The following ANKRD17 variants were observed in gnomAD, a reference collection of about 807,000 sequenced individuals.
The protein encoded by ANKRD17 is ankyrin repeat domain 17.
A neutral mutation model predicts 229.7 loss-of-function variants in ANKRD17; 19 were observed. The observed-to-expected ratio is 0.08, with a 90% CI of 0.06 to 0.12. The LOEUF (loss-of-function observed/expected upper bound fraction) is 0.12. ANKRD17 is among the 10% of genes least tolerant of loss of function. The probability of loss-of-function intolerance (pLI) is 1.00; values close to 1 mark genes in which losing one functional copy is unlikely to be tolerated. For missense variants in ANKRD17, 2,176 were observed against 3,176.8 expected (o/e 0.68, Z 7.57); for synonymous variants, 1,112 against 1,146.1 (o/e 0.97, Z 0.60).
At chr4:73,230,240 A>G (rs1217047581) in intron 1 of ANKRD17, among the ~76,000 whole-genome samples, 2 of 152,158 alleles carry the variant, frequency 1.3e-5, no homozygotes, top group South Asian at 4.1e-4. Context: ...AAAATAATGC[A>G]ACATAGTATC....
intron 15 of ANKRD17, 38 bp downstream of exon 15, chr4:73,139,493 A>G: frequency 1.3e-6 from 2 of 1,556,192 alleles, no homozygotes; most frequent in Non-Finnish European, 1.7e-6. Context: ...CCTTAAGCAA[A>G]TCATATTTGA....
At chr4:73,144,397 T>C (rs1219114573) in intron 11 of ANKRD17, among the ~76,000 whole-genome samples, 1 of 152,204 alleles carries the variant, frequency 6.6e-6, no homozygotes, top group Non-Finnish European at 1.5e-5. Context: ...GCCACAAACT[T>C]TTTTAGTGGC....
intron 3 of ANKRD17, among the ~76,000 whole-genome samples, chr4:73,158,573 A>G (rs1365742551): frequency 1.3e-5 from 2 of 152,202 alleles, no homozygotes; most frequent in African/African-American, 4.8e-5. Flanking sequence ...AAAAAATGTA[A>G]TATGACCTCT....
At chr4:73,158,264 C>T (rs765380928) in intron 3 of ANKRD17, among the ~76,000 whole-genome samples, 1 of 152,200 alleles carries the variant, frequency 6.6e-6, no homozygotes, top group Non-Finnish European at 1.5e-5. Flanking sequence ...TAATCTCACT[C>T]ACAGTAAAAG....
At chr4:73,242,000 G>C (rs1447207362) in intron 1 of ANKRD17, among the ~76,000 whole-genome samples, 1 of 152,070 alleles carries the variant, frequency 6.6e-6, no homozygotes, top group Non-Finnish European at 1.5e-5. Context: ...AAGAAAAAGT[G>C]ATGTACCCTA....
intron 1 of ANKRD17, among the ~76,000 whole-genome samples, chr4:73,219,662 A>G (rs1399309075): frequency 6.6e-6 from 1 of 152,200 alleles, no homozygotes; most frequent in Non-Finnish European, 1.5e-5. Flanking sequence ...CTGTCCATAG[A>G]CAGAACCATA....
rs149546188 is a variant in ANKRD17, at chr4:73,151,316, A to G, written c.1329+114T>C. ...AAGTTAATGTTGTACAACTGATTCA[A>G]TAAGGTTCTGACAAACAGAATCATA... is the stretch of plus-strand genomic sequence containing the variant. On this transcript the variant is annotated intron_variant, in intron 7 of 33. Coordinates refer to ENST00000358602, the MANE Select transcript of ANKRD17 (RefSeq NM_032217.5). The G allele has an allele frequency of 5.1e-4, 452 of 884,954 alleles. 3 individuals carry two copies. In the African/African-American group the frequency reaches 6.8e-3, roughly 13 times the overall value. 54.8% of individuals were successfully genotyped at this position (884,954 alleles called of 1,614,324 possible).
Position 73,234,851 on chromosome 4 carries a change from C to T in ANKRD17, c.393+23425G>A, listed in dbSNP as rs368772397. 8.3e-4 allele frequency among the ~76,000 whole-genome samples: 126 copies of T among 152,256 alleles called. 3 individuals carry two copies. The South Asian group carries it at 0.025, about 30-fold the overall frequency. ...AGGGTAGGAGGGAAGCCCAACTGAC[C>T]TAGCACTGTGGAAAAGAAGTCTTAA... On this transcript the variant is annotated intron_variant, in intron 1 of 33. Coordinates refer to ENST00000358602, the MANE Select transcript of ANKRD17 (RefSeq NM_032217.5).
intron 1 of ANKRD17, among the ~76,000 whole-genome samples, chr4:73,200,293 A>G (rs528788275): frequency 2.0e-5 from 3 of 152,316 alleles, no homozygotes; most frequent in African/African-American, 7.2e-5. Flanking sequence ...GCTGCACACT[A>G]GAATTATCAA....
intron 1 of ANKRD17, among the ~76,000 whole-genome samples, chr4:73,204,938 A>G (rs1238220767): frequency 6.6e-6 from 1 of 152,174 alleles, no homozygotes; most frequent in Admixed American, 6.5e-5. Context: ...TTGTGAGTAA[A>G]AATACTCACA....
intron 1 of ANKRD17, among the ~76,000 whole-genome samples, chr4:73,185,905 A>G (rs1255387480): frequency 6.6e-6 from 1 of 152,030 alleles, no homozygotes; most frequent in Non-Finnish European, 1.5e-5. Context: ...GTGAATAGAA[A>G]AATTAAGAAA....
intron 1 of ANKRD17, among the ~76,000 whole-genome samples, chr4:73,222,142 G>GA (rs917707977): frequency 8.0e-5 from 12 of 150,788 alleles, no homozygotes; most frequent in African/African-American, 2.7e-4. Flanking sequence ...ATCTAATGAG[G>GA]AAAAAAAAGA....
chr4:73,085,926 G>C (rs780233147), intron 29 of ANKRD17, among the ~76,000 whole-genome samples: 50 of 152,208 alleles, frequency 3.3e-4, no homozygotes, highest in Non-Finnish European at 5.1e-4. Flanking sequence ...AGGAGGTTAA[G>C]GCTGCAATGA....
At chr4:73,186,156 T>G (rs957168059) in intron 1 of ANKRD17, among the ~76,000 whole-genome samples, 9 of 152,018 alleles carry the variant, frequency 5.9e-5, no homozygotes, top group African/African-American at 2.2e-4. Flanking sequence ...TTTGTCTGTA[T>G]TTTTTATAGT....
rs763345325 is a variant in ANKRD17 at position 73,189,403 on chromosome 4, G to GTTTTT, written c.394-11875_394-11871dup. Among the ~76,000 whole-genome samples the GTTTTT allele has an allele frequency of 8.1e-4, 91 of 112,662 alleles. 5 individuals are homozygous for GTTTTT. Among genetic ancestry groups the GTTTTT allele is most frequent in the African/African-American group, 2.2e-3 (64 of 28,446 alleles). The allele number at this position is 112,662 out of a possible 152,430, so 73.9% of individuals were successfully genotyped here. A position where few individuals can be genotyped will look rare whatever the true frequency, so the allele number is the denominator to read the frequency against. On this transcript the variant is annotated intron_variant, in intron 1 of 33. Transcript: ENST00000358602. ...ACGGTGATATTCCTCTGCCTGGAAT[G>GTTTTT]TTTTTTTTTTTTTTTTTTTTGAAAC...
intron 1 of ANKRD17, among the ~76,000 whole-genome samples, chr4:73,215,164 A>T (rs1447747779): frequency 1.3e-5 from 2 of 152,186 alleles, no homozygotes; most frequent in Non-Finnish European, 2.9e-5. Flanking sequence ...TAAAATTCAA[A>T]CTTCCAAGCA....
At chr4:73,095,331 T>C (rs1348728304) in intron 27 of ANKRD17, among the ~76,000 whole-genome samples, 1 of 152,068 alleles carries the variant, frequency 6.6e-6, no homozygotes, top group East Asian at 1.9e-4. Flanking sequence ...CCGGGCACGG[T>C]GGCTCACGCC....
chr4:73,086,590 T>C (rs1373591608), intron 29 of ANKRD17, among the ~76,000 whole-genome samples: 1 of 145,572 alleles, frequency 6.9e-6, no homozygotes, highest in Non-Finnish European at 1.5e-5. Flanking sequence ...TTGTCAACGA[T>C]TTTTTTTTTT....
At chr4:73,173,870 G>A (rs1210618707) in intron 2 of ANKRD17, among the ~76,000 whole-genome samples, 1 of 152,120 alleles carries the variant, frequency 6.6e-6, no homozygotes, top group Non-Finnish European at 1.5e-5. Flanking sequence ...CTCAGGGAAG[G>A]CAGCTAGCAG....
Sources: allele counts gnomAD v4.1 joint callset (sites outside exome capture counted in the v4.1 genomes callset), GRCh38; gene constraint gnomAD v4.1.1; transcripts MANE v1.5; gene names NCBI Gene and HGNC (gene_info 2026-07-23, HGNC 2026-07-21).